Variants in DCHS2 observed in about 807,000 individuals in gnomAD.
DCHS2 encodes the protein dachsous cadherin-related 2.
A neutral mutation model predicts 182.4 loss-of-function variants in DCHS2; 142 were observed. The observed-to-expected ratio is 0.78, with a 90% confidence interval of 0.68 to 0.89. DCHS2 has a LOEUF of 0.89. DCHS2 is among the 40% of genes least tolerant of loss of function. The pLI, the probability that DCHS2 is intolerant of heterozygous loss-of-function variation, is 0.00. For synonymous variants in DCHS2, 1,740 were observed against 1,663.3 expected (o/e 1.05, Z -1.12); for missense variants, 4,319 against 4,198.6 (o/e 1.03, Z -0.79).
intron 1 of DCHS2, among the ~76,000 whole-genome samples, chr4:154,452,577 C>T (rs1734580616): frequency 6.6e-6 from 1 of 151,978 alleles, no homozygotes; most frequent in African/African-American, 2.4e-5. Flanking sequence ...TGAGCCAAGA[C>T]TGTGCTGCTG....
Position 154,410,827 on chromosome 4 carries a change from A to G in DCHS2, c.2053-33383T>C, listed in dbSNP as rs73854745. ...AAAGGGGTGTTCTCTGAAGCACATT[A>G]TAATTAACCAGTCAAAAATCAAAGA... On this transcript the variant is annotated intron_variant, in intron 1 of 19. Coordinates refer to ENST00000357232, the MANE Select transcript of DCHS2 (RefSeq NM_001358235.2). Among the ~76,000 whole-genome samples, 502 of 152,312 alleles carry G rather than the reference A, an allele frequency of 3.3e-3. 4 individuals are homozygous for G. Among genetic ancestry groups the G allele is most frequent in the African/African-American group, 0.012 (486 of 41,576 alleles).
At chr4:154,458,783 C>T (rs1436983440) in intron 1 of DCHS2, among the ~76,000 whole-genome samples, 4 of 152,156 alleles carry the variant, frequency 2.6e-5, no homozygotes, top group Admixed American at 6.5e-5. Flanking sequence ...AGAATGTTCA[C>T]TGATTCTAAA....
chr4:154,442,429 C>G (rs983263814), intron 1 of DCHS2, among the ~76,000 whole-genome samples: 2 of 151,758 alleles, frequency 1.3e-5, no homozygotes, highest in Admixed American at 6.6e-5. Flanking sequence ...TTGACTGTAC[C>G]TTGAATAATC....
Position 154,248,486 on chromosome 4 carries a change from TA to T in DCHS2, c.6942-5715del, listed in dbSNP as rs202091711. ...GAGGCAGTGGTTGCTGACTTTCATCTACACTCTATACACTATTTGATTTTTT... is the reference window on the plus strand; with the variant it reads ...GAGGCAGTGGTTGCTGACTTTCATCTCACTCTATACACTATTTGATTTTTT... On this transcript the variant is annotated intron_variant, in intron 16 of 19. Transcript: ENST00000357232. Among the ~76,000 whole-genome samples the T allele has an allele frequency of 9.4e-3, 1,439 of 152,316 alleles. 31 individuals are homozygous for T. The highest frequency in any genetic ancestry group is 0.032 in the African/African-American group (1,331 of 41,568).
chr4:154,263,407 T>C (rs1405496638), intron 14 of DCHS2, among the ~76,000 whole-genome samples: 2 of 151,908 alleles, frequency 1.3e-5, no homozygotes, highest in Non-Finnish European at 2.9e-5. Flanking sequence ...TATGTGTATG[T>C]ATTACAATGC....
intron 6 of DCHS2, among the ~76,000 whole-genome samples, chr4:154,329,010 A>G (rs949615447): frequency 3.9e-5 from 6 of 152,238 alleles, no homozygotes; most frequent in African/African-American, 1.2e-4. Flanking sequence ...TATATTATAC[A>G]ACATACAAAA....
chr4:154,242,751 A>T lies in DCHS2; in HGVS notation c.6963T>A (p.Asp2321Glu). 1 of 1,611,736 alleles carries T rather than the reference A, an allele frequency of 6.2e-7. No individual in the cohort carries two copies. The highest frequency in any genetic ancestry group is 8.5e-7 in the Non-Finnish European group (1 of 1,178,884). Residue 2321 changes from aspartate to glutamate, a missense_variant, in exon 17 of 20, where the codon GAT becomes GAA. By Grantham distance (45) the Asp-to-Glu change is conservative (BLOSUM62 2). Transcript: ENST00000357232. The part of the protein sequence containing the change: ...SSYSLIVQAT[D>E]KGMPRLSNTT... ...TATTAGAAAGCCTGGGCATCCCTTT[A>T]TCTGTGGCTTGGACAATCAAGCTGG...
At chr4:154,391,249 T>C in intron 1 of DCHS2, 1 of 1,611,666 alleles carries the variant, frequency 6.2e-7, no homozygotes, top group South Asian at 1.1e-5. Context: ...GTAAACATCT[T>C]CTTTTCTCCG....
intron 15 of DCHS2, among the ~76,000 whole-genome samples, chr4:154,256,468 G>A (rs1732673656): frequency 6.6e-6 from 1 of 152,094 alleles, no homozygotes; most frequent in African/African-American, 2.4e-5. Context: ...CATTAAACAA[G>A]TGAAACAAAA....
Position 154,490,024 on chromosome 4 carries a change from C to G in DCHS2, c.1332G>C (p.Ala444=). 6.5e-7 allele frequency: 1 copy of G among 1,547,924 alleles called. No homozygotes were observed. The highest frequency in any genetic ancestry group is 2.4e-5 in the East Asian group (1 of 40,888). ...CATCTTCCTTCTCCCAGTCACCGTC[C>G]GCGTCAGACACCGAGACGCGAGCCA... ...DYVARVSVSD[A]DGDWEKEDEA... The change falls in exon 1 of 20, where the codon GCG becomes GCC. Residue 444 remains alanine (A), a synonymous_variant. Transcript: ENST00000357232.
In DCHS2 at chr4:154,470,124, A is replaced by T. The variant is rs559654529; in HGVS notation, c.2052+19180T>A. 9.2e-5 allele frequency among the ~76,000 whole-genome samples: 14 copies of T among 152,308 alleles called. No individual in the cohort carries two copies. The South Asian group carries it at 2.3e-3, about 25-fold the overall frequency. ...TAGTGATTGTGAAAGAGAATGAAAG[A>T]AGCAAGAAAAGGAAAGATGCAGAGA... On this transcript the variant is annotated intron_variant, in intron 1 of 19. Coordinates refer to ENST00000357232, the MANE Select transcript of DCHS2 (RefSeq NM_001358235.2).
intron 16 of DCHS2, among the ~76,000 whole-genome samples, chr4:154,253,192 A>AGTGT (rs945445954): frequency 3.6e-4 from 52 of 142,626 alleles, no homozygotes; most frequent in Admixed American, 2.4e-3. Context: ...AGAGAGAGAG[A>AGTGT]GTGTGTGTGT....
intron 3 of DCHS2, among the ~76,000 whole-genome samples, chr4:154,354,104 T>G (rs1729749273): frequency 6.6e-6 from 1 of 152,090 alleles, no homozygotes; most frequent in South Asian, 2.1e-4. Flanking sequence ...CATTGTATTT[T>G]TAGTGGAGAT....
In DCHS2 at chr4:154,322,351, G is replaced by A. The variant is rs776891045; in HGVS notation, c.4156C>T (p.Gln1386Ter). 1.9e-6 allele frequency: 3 copies of A among 1,613,478 alleles called. No homozygotes were observed. The highest frequency in any genetic ancestry group is 2.7e-5 in the African/African-American group (2 of 74,868). Residue 1386 changes from glutamine (Q) to a stop codon, truncating the protein, a stop_gained, in exon 8 of 20, where the codon CAG becomes TAG. Transcript: ENST00000357232. LOFTEE classifies it high-confidence loss of function. Reference protein sequence around the residue: ...TDQGVPPLQGQAVVNIQVIPL... With the variant: ...TDQGVPPLQG The stretch of plus-strand genomic sequence containing the variant: ...ATTACCTGAATATTAACAACTGCCT[G>A]TCCTTGAAGAGGAGGCACTCCCTGG...
At chr4:154,258,940 G>C (rs574496376) in intron 15 of DCHS2, among the ~76,000 whole-genome samples, 33 of 152,254 alleles carry the variant, frequency 2.2e-4, no homozygotes, top group African/African-American at 7.9e-4. Context: ...CTAATGCCCA[G>C]CTTCCTGACT....
chr4:154,265,742 C>T (rs939756688), intron 14 of DCHS2, among the ~76,000 whole-genome samples: 2 of 150,862 alleles, frequency 1.3e-5, no homozygotes, highest in African/African-American at 2.4e-5. Flanking sequence ...GCAATGTACA[C>T]ATATTTCTGA....
At position 154,490,702 on chromosome 4, in the gene DCHS2, G is replaced by T; in HGVS notation, c.654C>A (p.Gly218=). 1 of 1,551,624 alleles carries T rather than the reference G, an allele frequency of 6.4e-7. No homozygotes were observed. Among genetic ancestry groups the T allele is most frequent in the Non-Finnish European group, 8.7e-7 (1 of 1,146,922 alleles). ...QPSDLPKDPA[G]PFFQLRYRTP... is the part of the protein sequence containing the mutation. The stretch of plus-strand genomic sequence containing the variant: ...TCCGGTAGCGCAACTGGAAGAACGG[G>T]CCTGCGGGGTCCTTGGGCAGGTCGG... Residue 218 remains glycine (G), a synonymous_variant, in exon 1 of 20, where the codon GGC becomes GGA. Coordinates refer to ENST00000357232, the MANE Select transcript of DCHS2 (RefSeq NM_001358235.2).
intron 7 of DCHS2, among the ~76,000 whole-genome samples, chr4:154,323,970 T>C (rs1254506514): frequency 1.3e-5 from 2 of 152,210 alleles, no homozygotes; most frequent in African/African-American, 4.8e-5. Context: ...CATCCCTTTT[T>C]CATGTATTAG....
intron 1 of DCHS2, among the ~76,000 whole-genome samples, chr4:154,417,696 T>A (rs1217072383): frequency 6.6e-6 from 1 of 152,162 alleles, no homozygotes; most frequent in East Asian, 1.9e-4. Flanking sequence ...AATCCTAACA[T>A]GGCCAGGGGG....
Sources: allele counts gnomAD v4.1 joint callset (sites outside exome capture counted in the v4.1 genomes callset), GRCh38; gene constraint gnomAD v4.1.1; transcripts MANE v1.5; gene names NCBI Gene and HGNC (gene_info 2026-07-23, HGNC 2026-07-21).